RTN4: variants seen among roughly 807,000 people sequenced by gnomAD.
RTN4 encodes reticulon-4.
In RTN4, 32 loss-of-function variants were observed where a neutral mutation model predicts 90.4. The ratio of observed to expected loss-of-function variants is 0.35; its 90% CI spans 0.27 to 0.48. The LOEUF is 0.48. RTN4 is among the 20% of genes least tolerant of loss of function. The pLI, the probability that RTN4 is intolerant of heterozygous loss-of-function variation, is 0.99. For synonymous variants in RTN4, 629 were observed against 552.5 expected, an observed-to-expected ratio of 1.14 and a Z score of -1.94; for missense variants, 1,706 against 1,430.2, an observed-to-expected ratio of 1.19 and a Z score of -3.11.
chr2:54,986,879 C>T (rs2580768), intron 4 of RTN4, among the ~76,000 whole-genome samples: 129,694 of 151,924 alleles, frequency 0.85, 55,790 homozygotes, highest in African/African-American at 0.96. Context: ...GGGAAAAACA[C>T]GCAGAGTATG....
intron 1 of RTN4, among the ~76,000 whole-genome samples, chr2:55,048,124 A>G (rs1667873142): frequency 6.6e-6 from 1 of 152,244 alleles, no homozygotes; most frequent in South Asian, 2.1e-4. Flanking sequence ...ACACAATGGT[A>G]TTTGTGTAGT....
chr2:55,026,146 A>C lies in RTN4; in HGVS notation c.1953T>G (p.His651Gln). The change falls in exon 3 of 9, where the codon CAT becomes CAG. Residue 651 changes from histidine to glutamine, a missense_variant. Transcript: ENST00000337526. Reference sequence around the variant, plus strand: ...CATATGGTGGGGGGTTTTCAGGCTCATGTTTTATGCTTTCATAATTAACTG... The same window carrying C: ...CATATGGTGGGGGGTTTTCAGGCTCCTGTTTTATGCTTTCATAATTAACTG... ...ASSVNYESIK[H>Q]EPENPPPYEE... 1 of 1,613,384 alleles carries C rather than the reference A, an allele frequency of 6.2e-7. No individual in the cohort carries two copies. The highest frequency in any genetic ancestry group is 8.5e-7 in the Non-Finnish European group (1 of 1,179,790).
chr2:55,108,045 T>A (rs1667975043), intron 1 of RTN4, among the ~76,000 whole-genome samples: 1 of 151,984 alleles, frequency 6.6e-6, no homozygotes, highest in Admixed American at 6.6e-5. Context: ...AACCTCTGCC[T>A]CCTGGGTTCA....
At chr2:55,068,919 A>G (rs901755843) in intron 2 of RTN4, among the ~76,000 whole-genome samples, 1 of 152,230 alleles carries the variant, frequency 6.6e-6, no homozygotes, top group African/African-American at 2.4e-5. Context: ...GAGTGCATGG[A>G]GGTGAAGAAC....
chr2:55,037,977 C>T (rs1174035773), intron 1 of RTN4, among the ~76,000 whole-genome samples: 1 of 152,128 alleles, frequency 6.6e-6, no homozygotes, highest in Non-Finnish European at 1.5e-5. Flanking sequence ...AATAGACACA[C>T]TTCATATGGT....
At chr2:55,015,717 T>A (rs1044447336) in intron 3 of RTN4, among the ~76,000 whole-genome samples, 4 of 152,162 alleles carry the variant, frequency 2.6e-5, no homozygotes, top group Non-Finnish European at 4.4e-5. Context: ...GAAGAATATT[T>A]AAGGAACGAG....
chr2:55,050,318 G>T lies in RTN4; in HGVS notation c.-18C>A. ...TCTTCCATGGCTGGAGGGTGGAGAT[G>T]ATGCTGCAGCTGCTGCCGCCGCCGC... On this transcript the variant is annotated 5_prime_UTR_variant, in exon 1 of 9. Coordinates refer to ENST00000337526, the MANE Select transcript of RTN4 (RefSeq NM_020532.5). This position sits in a 1 kb window ranked among gnomAD's most constrained non-coding sequence, Gnocchi z 4.6. 6 of 1,388,476 alleles carry T rather than the reference G, an allele frequency of 4.3e-6. No homozygotes were observed. Among genetic ancestry groups the T allele is most frequent in the Non-Finnish European group, 5.6e-6 (6 of 1,068,004 alleles). 86.0% of individuals were successfully genotyped at this position (1,388,476 alleles called of 1,614,324 possible).
chr2:55,110,984 T>C (rs1668027880), intron 1 of RTN4, among the ~76,000 whole-genome samples: 1 of 152,068 alleles, frequency 6.6e-6, no homozygotes, highest in South Asian at 2.1e-4. Context: ...GAGGTTGCAG[T>C]GAGCCGAGAT....
intron 2 of RTN4, 50 bp from the exon 3 acceptor site, chr2:55,027,535 G>C: frequency 6.5e-7 from 1 of 1,533,480 alleles, no homozygotes; most frequent in East Asian, 2.3e-5. Context: ...TGTTCTCAGA[G>C]TTAATGCAAG....
the RTN4 span, among the ~76,000 whole-genome samples, chr2:55,124,227 G>A: frequency 1.3e-5 from 2 of 152,182 alleles, no homozygotes; most frequent in Non-Finnish European, 2.9e-5. Flanking sequence ...AATTCCTGAG[G>A]AGGGGGCATA....
At chr2:54,973,345 T>G in intron 8 of RTN4, 147 bp from the exon 9 acceptor site, 1 of 858,100 alleles carries the variant, frequency 1.2e-6, no homozygotes. Context: ...TTTTGCCACC[T>G]TGGCCTCATG....
chr2:54,973,088 C>T lies in RTN4; in HGVS notation c.*68G>A. The stretch of plus-strand genomic sequence containing the variant: ...AACGTCAAGGTTCGTTCTTCCCTGA[C>T]CCTCCCCCGTATAATCAAATGAATA... On this transcript the variant is annotated 3_prime_UTR_variant, in exon 9 of 9. Coordinates refer to ENST00000337526, the MANE Select transcript of RTN4 (RefSeq NM_020532.5). 1 of 1,348,068 alleles carries T rather than the reference C, an allele frequency of 7.4e-7. No individual in the cohort carries two copies. The highest frequency in any genetic ancestry group is 1.1e-6 in the Non-Finnish European group (1 of 949,658). 83.5% of individuals were successfully genotyped at this position (1,348,068 alleles called of 1,614,324 possible).
intron 1 of RTN4, among the ~76,000 whole-genome samples, chr2:55,035,989 T>C (rs979722746): frequency 6.6e-6 from 1 of 152,078 alleles, no homozygotes; most frequent in Non-Finnish European, 1.5e-5. Context: ...TGACTATACT[T>C]GTAACTTAAA....
chr2:54,985,085 A>G (rs1411456489), intron 4 of RTN4, among the ~76,000 whole-genome samples: 1 of 146,856 alleles, frequency 6.8e-6, no homozygotes, highest in Non-Finnish European at 1.5e-5. Flanking sequence ...ATTTTTACAT[A>G]TTTCAGCATA....
chr2:55,028,737 T>C (rs1682090496), intron 1 of RTN4, among the ~76,000 whole-genome samples: 2 of 152,198 alleles, frequency 1.3e-5, no homozygotes, highest in African/African-American at 4.8e-5. Flanking sequence ...TACATTGCTC[T>C]TTGAAGACAT....
At position 55,027,294 on chromosome 2, in the gene RTN4, C is replaced by T. The variant is rs1380684846; in HGVS notation, c.805G>A (p.Val269Ile). The change falls in exon 3 of 9, where the codon GTC becomes ATC. Residue 269 changes from valine to isoleucine, a missense_variant. By Grantham distance (29) the Val-to-Ile change is conservative (BLOSUM62 3). Coordinates refer to ENST00000337526, the MANE Select transcript of RTN4 (RefSeq NM_020532.5). ...LPTEGTLQEN[V>I]SEASKEVSEK... ...GAGACCTCTTTAGAAGCTTCACTGA[C>T]ATTTTCTTGAAGTGTTCCTTCAGTG... The T allele has an allele frequency of 6.2e-7, 1 of 1,613,652 alleles. No individual in the cohort carries two copies. Among genetic ancestry groups the T allele is most frequent in the Admixed American group, 1.7e-5 (1 of 59,942 alleles).
intron 3 of RTN4, among the ~76,000 whole-genome samples, chr2:55,013,892 A>G (rs1315582333): frequency 6.6e-6 from 1 of 152,116 alleles, no homozygotes; most frequent in Admixed American, 6.5e-5. Context: ...TGAAAATGCT[A>G]CTCTGAAAGT....
At chr2:55,011,028 T>C (rs571114743) in intron 3 of RTN4, among the ~76,000 whole-genome samples, 144 of 152,254 alleles carry the variant, frequency 9.5e-4, no homozygotes, top group Non-Finnish European at 1.9e-3. Flanking sequence ...ACTATAATTT[T>C]ATTTTATTTT....
In RTN4 at chr2:54,973,151, C is replaced by A. The variant is rs558981058; in HGVS notation, c.*5G>T. Reference sequence around the variant, plus strand: ...ATGAACTCCTACTAATTATTTTGGGCGTTTTCATTCAGCTTTGCGCTTCAA... The same window carrying A: ...ATGAACTCCTACTAATTATTTTGGGAGTTTTCATTCAGCTTTGCGCTTCAA... On this transcript the variant is annotated 3_prime_UTR_variant, in exon 9 of 9. Coordinates refer to ENST00000337526, the MANE Select transcript of RTN4 (RefSeq NM_020532.5). 1 of 1,601,382 alleles carries A rather than the reference C, an allele frequency of 6.2e-7. No individual in the cohort carries two copies. The highest frequency in any genetic ancestry group is 1.1e-5 in the South Asian group (1 of 90,200).
Sources: allele counts gnomAD v4.1 joint callset (sites outside exome capture counted in the v4.1 genomes callset), GRCh38; gene constraint gnomAD v4.1.1; non-coding constraint Gnocchi (gnomAD v3.1); transcripts MANE v1.5; gene names NCBI Gene and HGNC (gene_info 2026-07-23, HGNC 2026-07-21).